The following TAS2R1 variants were observed in gnomAD, a reference collection of about 807,000 sequenced individuals.
TAS2R1 encodes taste 2 receptor member 1.
For synonymous variants in TAS2R1, 141 were observed against 134.2 expected (o/e 1.05, Z -0.35); for missense variants, 370 against 353.4 (o/e 1.05, Z -0.38).
upstream of TAS2R1, among the ~76,000 whole-genome samples, chr5:9,714,782 G>A (rs1036103026): frequency 2.0e-5 from 3 of 152,218 alleles, no homozygotes; most frequent in Admixed American, 2.0e-4. Flanking sequence ...ACATTTCCCA[G>A]CACTTCTGAA....
intron 1 of TAS2R1, among the ~76,000 whole-genome samples, chr5:9,668,442 C>T (rs1415553854): frequency 6.6e-6 from 1 of 151,954 alleles, no homozygotes; most frequent in Non-Finnish European, 1.5e-5. Flanking sequence ...GATGGCAATT[C>T]CCAGGACACT....
rs1739784327 is a variant in TAS2R1 at position 9,627,879 on chromosome 5, A to C, written c.*1254T>G. On this transcript the variant is annotated 3_prime_UTR_variant, in exon 1 of 1. Coordinates refer to ENST00000382492, the MANE Select transcript of TAS2R1 (RefSeq NM_019599.3). ...GCCCAAGAAGATAAGTACGTCCCTG[A>C]ATCTCCTGAAGCAAAATCCTTCATT... Among the ~76,000 whole-genome samples, 1 of 152,158 alleles carries C rather than the reference A, an allele frequency of 6.6e-6. No homozygotes were observed. Among genetic ancestry groups the C allele is most frequent in the African/African-American group, 2.4e-5 (1 of 41,412 alleles).
In TAS2R1 at chr5:9,699,399, A is replaced by G. The variant is rs578168924; in HGVS notation, c.-242+12773T>C. Among the ~76,000 whole-genome samples, 7 of 152,280 alleles carry G rather than the reference A, an allele frequency of 4.6e-5. No homozygotes were observed. In the East Asian group the frequency reaches 1.3e-3, roughly 29 times the overall value. On this transcript the variant is annotated intron_variant, in intron 1 of 2. Transcript: ENST00000506620. ...TGCCACTTTCTGACTTCGAAGGACGATTTATTCTTCTGAGGATGATTTATA... is the reference window on the plus strand; with the variant it reads ...TGCCACTTTCTGACTTCGAAGGACGGTTTATTCTTCTGAGGATGATTTATA...
At chr5:9,802,941 A>G in the TAS2R1 span, among the ~76,000 whole-genome samples, 3 of 152,170 alleles carry the variant, frequency 2.0e-5, no homozygotes, top group Admixed American at 6.5e-5. Flanking sequence ...GTCAATCATT[A>G]AGCAGATGAA....
upstream of TAS2R1, among the ~76,000 whole-genome samples, chr5:9,714,987 T>C (rs373200485): frequency 2.0e-5 from 3 of 152,154 alleles, no homozygotes; most frequent in Non-Finnish European, 4.4e-5. Flanking sequence ...CAATGGGGAA[T>C]TGATGTGGAT....
the TAS2R1 span, among the ~76,000 whole-genome samples, chr5:9,797,297 T>C: frequency 2.0e-5 from 3 of 152,142 alleles, no homozygotes; most frequent in Admixed American, 1.3e-4. Context: ...TACCCTACAA[T>C]GCACAGGATA....
the TAS2R1 span, among the ~76,000 whole-genome samples, chr5:9,835,815 A>C: frequency 2.7e-4 from 41 of 152,370 alleles, no homozygotes; most frequent in Non-Finnish European, 5.0e-4. Context: ...TTATAACAAC[A>C]GGCTTAGGAT....
At chr5:9,808,510 TA>T in the TAS2R1 span, among the ~76,000 whole-genome samples, 3 of 152,146 alleles carry the variant, frequency 2.0e-5, no homozygotes, top group Non-Finnish European at 4.4e-5. Context: ...TCCATATTTT[TA>T]AAAAATGAGA....
chr5:9,813,897 C>T, the TAS2R1 span, among the ~76,000 whole-genome samples: 5 of 152,186 alleles, frequency 3.3e-5, no homozygotes, highest in African/African-American at 1.2e-4. Flanking sequence ...CATCTCTTTT[C>T]CCATTTGCAG....
the TAS2R1 span, among the ~76,000 whole-genome samples, chr5:9,798,825 G>A: frequency 4.6e-5 from 7 of 152,260 alleles, no homozygotes; most frequent in South Asian, 2.1e-4. Context: ...AATCTCTCCC[G>A]CAAACTCAGC....
Position 9,629,026 on chromosome 5 carries a change from A to C in TAS2R1, c.*107T>G, listed in dbSNP as rs1314350235. ...GGCTGGATAAACAGGCCTGAAGGGG[A>C]CATGTTGTATATTTATGAACAGGCT... On this transcript the variant is annotated 3_prime_UTR_variant, in exon 1 of 1. Coordinates refer to ENST00000382492, the MANE Select transcript of TAS2R1 (RefSeq NM_019599.3). The C allele has an allele frequency of 3.4e-6, 4 of 1,187,008 alleles. No homozygotes were observed. The highest frequency in any genetic ancestry group is 4.6e-6 in the Non-Finnish European group (4 of 864,292). The allele number at this position is 1,187,008 out of a possible 1,614,324, so 73.5% of individuals were successfully genotyped here. A position where few individuals can be genotyped will look rare whatever the true frequency, so the allele number is the denominator to read the frequency against.
chr5:9,691,356 G>A (rs1741247027), intron 1 of TAS2R1, among the ~76,000 whole-genome samples: 1 of 152,222 alleles, frequency 6.6e-6, no homozygotes, highest in South Asian at 2.1e-4. Flanking sequence ...GACCCCGCTG[G>A]CACCTTCATT....
chr5:9,816,817 CCTA>C, the TAS2R1 span, among the ~76,000 whole-genome samples: 1 of 152,004 alleles, frequency 6.6e-6, no homozygotes, highest in Non-Finnish European at 1.5e-5. Context: ...GTAAATATAA[CCTA>C]CTGAGCTCAT....
At chr5:9,881,512 A>G in the TAS2R1 span, among the ~76,000 whole-genome samples, 1 of 152,334 alleles carries the variant, frequency 6.6e-6, no homozygotes, top group Non-Finnish European at 1.5e-5. Flanking sequence ...AAACTACTTA[A>G]AAGTTAATAA....
chr5:9,760,425 C>T, the TAS2R1 span, among the ~76,000 whole-genome samples: 1 of 152,136 alleles, frequency 6.6e-6, no homozygotes, highest in African/African-American at 2.4e-5. Context: ...TTGTCATGTA[C>T]ACAGACTTAA....
chr5:9,755,559 C>G, the TAS2R1 span, among the ~76,000 whole-genome samples: 1 of 148,144 alleles, frequency 6.8e-6, no homozygotes, highest in Admixed American at 6.8e-5. Context: ...GGCATTCCAG[C>G]CTGGGCGACA....
chr5:9,896,084 C>T, the TAS2R1 span, among the ~76,000 whole-genome samples: 1 of 152,138 alleles, frequency 6.6e-6, no homozygotes, highest in Non-Finnish European at 1.5e-5. Flanking sequence ...TAGAGTTACC[C>T]CAACCCTTAT....
At chr5:9,743,953 G>C in the TAS2R1 span, among the ~76,000 whole-genome samples, 3 of 152,142 alleles carry the variant, frequency 2.0e-5, no homozygotes, top group Non-Finnish European at 4.4e-5. Flanking sequence ...AATTTCAAAA[G>C]AAAATATTTT....
the TAS2R1 span, among the ~76,000 whole-genome samples, chr5:9,802,638 T>G: frequency 1.3e-5 from 2 of 152,106 alleles, no homozygotes; most frequent in Non-Finnish European, 2.9e-5. Flanking sequence ...CACGGTGGCT[T>G]ACACCTGTAA....
Sources: gnomAD v4.1 joint callset for allele counts (sites outside exome capture counted in the v4.1 genomes callset) on GRCh38, gnomAD v4.1.1 for gene constraint, MANE v1.5 for transcripts, NCBI Gene and HGNC (gene_info 2026-07-23, HGNC 2026-07-21) for gene names.